The following IL16 variants were observed in gnomAD, a reference collection of about 807,000 sequenced individuals.
IL16 encodes the protein interleukin 16.
IL16 carries 67 observed loss-of-function variants against 110.1 expected under a neutral mutation model. The ratio of observed to expected loss-of-function variants is 0.61; its 90% CI spans 0.50 to 0.75. The LOEUF (loss-of-function observed/expected upper bound fraction) is 0.75, where lower values mean the gene tolerates loss of function less well. Among genes scored for constraint, IL16 ranks in the 30% least tolerant of loss-of-function variants. The pLI is 0.00. For missense variants in IL16, 1,545 were observed against 1,655.0 expected (o/e 0.93, Z 1.15); for synonymous variants, 689 against 662.9 (o/e 1.04, Z -0.61).
chr15:81,250,806 A>T (rs1897743073), intron 2 of IL16, among the ~76,000 whole-genome samples: 1 of 152,202 alleles, frequency 6.6e-6, no homozygotes, highest in Non-Finnish European at 1.5e-5. Flanking sequence ...TTTCCAGATT[A>T]ATTGTTTTTA....
At chr15:81,208,048 T>C (rs957914425) in intron 1 of IL16, among the ~76,000 whole-genome samples, 2 of 152,230 alleles carry the variant, frequency 1.3e-5, no homozygotes, top group Non-Finnish European at 2.9e-5. Flanking sequence ...TGTTGTCTGT[T>C]GACTTTTTAA....
At chr15:81,231,757 A>G (rs1037078782) in intron 2 of IL16, among the ~76,000 whole-genome samples, 2 of 152,170 alleles carry the variant, frequency 1.3e-5, no homozygotes, top group Non-Finnish European at 1.5e-5. Flanking sequence ...TTTAATTCAC[A>G]TTAAATAAAT....
In IL16 at chr15:81,301,434, C is replaced by T. The variant is rs141986262; in HGVS notation, c.3240C>T (p.Ser1080=). The change falls in exon 15 of 19, where the codon TCC becomes TCT. Residue 1080 remains serine, a synonymous_variant. Transcript: ENST00000683961. ...ACAGTTCCCTTCAGTCTGGTCAGTC[C>T]GTTATCTCCCTGCTGAGCTCAGAAG... ...GDHSSLQSGQ[S]VISLLSSEEL... 45 of 1,613,888 alleles carry T rather than the reference C, an allele frequency of 2.8e-5. No homozygotes were observed. The East Asian group carries it at 4.7e-4, about 17-fold the overall frequency.
chr15:81,269,018 T>C (rs11633024), intron 4 of IL16, among the ~76,000 whole-genome samples: 35,730 of 152,264 alleles, frequency 0.23, 4,580 homozygotes, highest in African/African-American at 0.33. Context: ...CTGTGGCACA[T>C]AGCTCTGGTT....
At chr15:81,276,116 G>A (rs1898897437) in intron 6 of IL16, among the ~76,000 whole-genome samples, 1 of 152,188 alleles carries the variant, frequency 6.6e-6, no homozygotes, top group African/African-American at 2.4e-5. Context: ...ATATTCTGAT[G>A]TTTTAAATGT....
intron 3 of IL16, among the ~76,000 whole-genome samples, chr15:81,261,746 T>C (rs922696262): frequency 1.1e-4 from 16 of 152,040 alleles, no homozygotes; most frequent in African/African-American, 2.4e-4. Context: ...CAAACCCTGA[T>C]TGATACACTG....
chr15:81,240,338 G>A (rs921945593), intron 2 of IL16, among the ~76,000 whole-genome samples: 6 of 151,760 alleles, frequency 4.0e-5, no homozygotes, highest in African/African-American at 1.5e-4. Flanking sequence ...CATACCTCCA[G>A]TGGCATCTGT....
chr15:81,199,763 G>C (rs950299738), intron 1 of IL16, among the ~76,000 whole-genome samples: 3 of 152,182 alleles, frequency 2.0e-5, no homozygotes, highest in African/African-American at 7.2e-5. Context: ...ACCTGGCAAA[G>C]AAAAGCCACA....
At chr15:81,203,956 G>A (rs112103419) in intron 1 of IL16, among the ~76,000 whole-genome samples, 20,740 of 150,752 alleles carry the variant, frequency 0.14, 1,876 homozygotes, top group East Asian at 0.38. Context: ...ACCCATGAGC[G>A]TGGAATGTTC....
At chr15:81,258,098 C>A (rs1178696123) in intron 2 of IL16, among the ~76,000 whole-genome samples, 1 of 152,164 alleles carries the variant, frequency 6.6e-6, no homozygotes, top group African/African-American at 2.4e-5. Flanking sequence ...AAGTGAAGAT[C>A]ATTGTGGCTA....
chr15:81,286,613 A>G (rs1024271110), intron 10 of IL16, among the ~76,000 whole-genome samples: 10 of 152,204 alleles, frequency 6.6e-5, no homozygotes, highest in Non-Finnish European at 1.5e-4. Flanking sequence ...TAGAAGGAGC[A>G]TGTTCATATT....
Position 81,299,429 on chromosome 15 carries a change from G to A in IL16, c.2103G>A (p.Arg701=), listed in dbSNP as rs547915977. The A allele has an allele frequency of 1.3e-5, 21 of 1,614,114 alleles. No individual in the cohort carries two copies. Among genetic ancestry groups the A allele is most frequent in the Admixed American group, 6.7e-5 (4 of 60,026 alleles). The change falls in exon 14 of 19, where the codon CGG becomes CGA. Residue 701 remains arginine, a synonymous_variant. Coordinates refer to ENST00000683961, the MANE Select transcript of IL16 (RefSeq NM_172217.5). ...IKHPLLKRQA[R]MDYSFDTTAE... ...ACCCACTGCTTAAGAGGCAGGCTCG[G>A]ATGGACTATAGCTTTGATACCACAG...
intron 1 of IL16, among the ~76,000 whole-genome samples, chr15:81,221,446 A>G (rs561054867): frequency 6.6e-6 from 1 of 152,292 alleles, no homozygotes; most frequent in Admixed American, 6.5e-5. Context: ...GAGGAATGGC[A>G]TGGGCTTGCC....
chr15:81,285,528 T>C (rs1427207906), intron 9 of IL16, among the ~76,000 whole-genome samples, 170 bp from the exon 10 acceptor site: 1 of 152,214 alleles, frequency 6.6e-6, no homozygotes, highest in Non-Finnish European at 1.5e-5. Flanking sequence ...GATATGCTAC[T>C]TTGGTCTGCC....
chr15:81,204,735 A>C (rs901741115), intron 1 of IL16, among the ~76,000 whole-genome samples: 69 of 147,616 alleles, frequency 4.7e-4, no homozygotes, highest in African/African-American at 1.8e-3. Flanking sequence ...CTTAAAGTAT[A>C]ATAATAACAA....
At chr15:81,292,335 G>A in intron 11 of IL16, 1 of 645,128 alleles carries the variant, frequency 1.6e-6, no homozygotes, top group Non-Finnish European at 2.8e-6. Flanking sequence ...ATATACATCA[G>A]TCATAGGCTC....
intron 14 of IL16, among the ~76,000 whole-genome samples, chr15:81,300,775 C>T (rs894442005): frequency 4.6e-5 from 7 of 152,118 alleles, no homozygotes; most frequent in South Asian, 2.1e-4. Flanking sequence ...GGCTGACATA[C>T]GCCTGTGGAG....
chr15:81,206,824 G>A (rs548964124), intron 1 of IL16, among the ~76,000 whole-genome samples: 1 of 152,100 alleles, frequency 6.6e-6, no homozygotes, highest in South Asian at 2.1e-4. Context: ...TTCCTGGGTT[G>A]GGGCCAAAAG....
intron 4 of IL16, among the ~76,000 whole-genome samples, chr15:81,268,605 G>A (rs770466846): frequency 2.6e-5 from 4 of 152,274 alleles, no homozygotes; most frequent in Non-Finnish European, 4.4e-5. Context: ...AGAGAGCAGG[G>A]AGCAAGCAGC....
Sources: allele counts gnomAD v4.1 joint callset (sites outside exome capture counted in the v4.1 genomes callset), GRCh38; gene constraint gnomAD v4.1.1; transcripts MANE v1.5; gene names NCBI Gene and HGNC (gene_info 2026-07-23, HGNC 2026-07-21).